The following RMDN3 variants were observed in gnomAD, a reference collection of about 807,000 sequenced individuals.
The protein encoded by RMDN3 is regulator of microtubule dynamics protein 3.
A neutral mutation model predicts 61.8 loss-of-function variants in RMDN3; 41 were observed. The observed-to-expected ratio is 0.66, with a 90% CI of 0.52 to 0.86. RMDN3 has a LOEUF of 0.86. Among genes scored for constraint, RMDN3 ranks in the 40% least tolerant of loss-of-function variants. The pLI, the probability that RMDN3 is intolerant of heterozygous loss-of-function variation, is 0.00. For missense variants in RMDN3, 557 were observed against 585.3 expected, an observed-to-expected ratio of 0.95 and a Z score of 0.50; for synonymous variants, 247 against 232.0, an observed-to-expected ratio of 1.06 and a Z score of -0.59.
At chr15:40,754,242 T>G (rs1897944806) in intron 2 of RMDN3, among the ~76,000 whole-genome samples, 1 of 151,428 alleles carries the variant, frequency 6.6e-6, no homozygotes, top group African/African-American at 2.4e-5. Flanking sequence ...GCGATTCTCG[T>G]GCCTCAGCCT....
At chr15:40,749,670 T>A (rs556244196) in intron 4 of RMDN3, among the ~76,000 whole-genome samples, 1 of 152,240 alleles carries the variant, frequency 6.6e-6, no homozygotes, top group Non-Finnish European at 1.5e-5. Context: ...GTTGCAGAGA[T>A]GTTCTTTACA....
intron 4 of RMDN3, among the ~76,000 whole-genome samples, chr15:40,748,633 T>TCCCAGG (rs1396734417): frequency 6.6e-6 from 1 of 152,212 alleles, no homozygotes; most frequent in Non-Finnish European, 1.5e-5. Flanking sequence ...GGAGTCTTTC[T>TCCCAGG]CTGTCACCCA....
chr15:40,754,837 C>T, intron 1 of RMDN3, 47 bp from the exon 2 acceptor site: 1 of 488,260 alleles, frequency 2.0e-6, no homozygotes. Flanking sequence ...GGCGGGCGGG[C>T]GGGGGTAAGG....
chr15:40,740,315 A>G, intron 6 of RMDN3, 122 bp from the exon 7 acceptor site: 1 of 731,898 alleles, frequency 1.4e-6, no homozygotes, highest in South Asian at 1.5e-5. Flanking sequence ...ACTTGTTTGG[A>G]AATAGTTGTG....
intron 4 of RMDN3, among the ~76,000 whole-genome samples, chr15:40,745,863 CCA>C (rs1277901125): frequency 6.6e-6 from 1 of 152,098 alleles, no homozygotes; most frequent in Middle Eastern, 3.2e-3. Flanking sequence ...CCATGGGCAG[CCA>C]CACACACATC....
At chr15:40,753,491 C>A (rs772116832) in intron 2 of RMDN3, among the ~76,000 whole-genome samples, 13 of 151,310 alleles carry the variant, frequency 8.6e-5, no homozygotes, top group Non-Finnish European at 7.4e-5. Flanking sequence ...CCAGCCTGGG[C>A]AACAGAGCGA....
rs117445197 is a variant in RMDN3, at chr15:40,736,144, T to C, written c.*397A>G. ...TAAGGTATGATCTTAAGACTATATGTACTGAGTCCTATTAGTCAGTGAAAA... is the reference window on the plus strand; with the variant it reads ...TAAGGTATGATCTTAAGACTATATGCACTGAGTCCTATTAGTCAGTGAAAA... On this transcript the variant is annotated 3_prime_UTR_variant, in exon 13 of 13. Coordinates refer to ENST00000338376, the MANE Select transcript of RMDN3 (RefSeq NM_018145.3). 285 of 182,940 alleles carry C rather than the reference T, an allele frequency of 1.6e-3. 2 individuals are homozygous for C. The East Asian group carries it at 0.027, about 17-fold the overall frequency. The allele number at this position is 182,940 out of a possible 1,614,324, so 11.3% of individuals were successfully genotyped here.
chr15:40,736,381 T>TTAGAATA lies in RMDN3; in HGVS notation c.*153_*159dup. On this transcript the variant is annotated 3_prime_UTR_variant, in exon 13 of 13. Coordinates refer to ENST00000338376, the MANE Select transcript of RMDN3 (RefSeq NM_018145.3). Reference sequence around the variant, plus strand: ...CCCCAATTCTAGATTAGGTTAGAGGTTAGAATAAATTAACTAATGGGGAGT... The same window carrying TTAGAATA: ...CCCCAATTCTAGATTAGGTTAGAGGTTAGAATATAGAATAAATTAACTAATGGGGAGT... 1.6e-6 allele frequency: 1 copy of TTAGAATA among 635,468 alleles called. No homozygotes were observed. Among genetic ancestry groups the TTAGAATA allele is most frequent in the Non-Finnish European group, 2.8e-6 (1 of 357,620 alleles). 39.4% of individuals were successfully genotyped at this position (635,468 alleles called of 1,614,324 possible). A position where few individuals can be genotyped will look rare whatever the true frequency, so the allele number is the denominator to read the frequency against.
intron 4 of RMDN3, among the ~76,000 whole-genome samples, chr15:40,749,194 C>T (rs768281763): frequency 3.9e-5 from 6 of 152,210 alleles, no homozygotes; most frequent in African/African-American, 7.2e-5. Flanking sequence ...TGAGCCACCG[C>T]GCCTGGCCTA....
rs747424280 is a variant in RMDN3, at chr15:40,737,282, G to A, written c.1278+6C>T. The A allele has an allele frequency of 6.2e-7, 1 of 1,613,684 alleles. No individual in the cohort carries two copies. Among genetic ancestry groups the A allele is most frequent in the Non-Finnish European group, 8.5e-7 (1 of 1,179,620 alleles). On this transcript the variant is annotated splice_donor_region_variant and intron_variant, in intron 11 of 12. Transcript: ENST00000338376. ...GATCTATGTTGAAGTAGACAAATGA[G>A]TTTACCTTGGAAATATATACCCTTC...
intron 10 of RMDN3, 141 bp downstream of exon 10, chr15:40,737,487 G>T (rs1022866178): frequency 3.6e-6 from 4 of 1,114,988 alleles, no homozygotes; most frequent in Middle Eastern, 2.2e-4. Context: ...CTGTGCAAGT[G>T]ATTCTGGTTT....
chr15:40,741,117 T>C (rs1418794435), intron 6 of RMDN3, among the ~76,000 whole-genome samples: 1 of 151,966 alleles, frequency 6.6e-6, no homozygotes, highest in Non-Finnish European at 1.5e-5. Context: ...AATCAGAAAT[T>C]GTCCCCAACA....
intron 4 of RMDN3, among the ~76,000 whole-genome samples, chr15:40,749,445 A>C (rs1897719134): frequency 6.6e-6 from 1 of 152,222 alleles, no homozygotes; most frequent in Non-Finnish European, 1.5e-5. Context: ...TGAGCCCAAG[A>C]GGTTGAGGCT....
chr15:40,744,885 G>A (rs1897448613), intron 5 of RMDN3, 92 bp downstream of exon 5: 1 of 1,357,568 alleles, frequency 7.4e-7, no homozygotes, highest in Non-Finnish European at 9.9e-7. Context: ...TGTAGGGGCA[G>A]TAACCACACG....
At chr15:40,742,330 T>C (rs1897316683) in intron 6 of RMDN3, among the ~76,000 whole-genome samples, 1 of 152,128 alleles carries the variant, frequency 6.6e-6, no homozygotes, top group Admixed American at 6.6e-5. Flanking sequence ...TTAAGACAAC[T>C]GATGCTGTGA....
At chr15:40,744,745 G>C (rs1261330789) in intron 5 of RMDN3, among the ~76,000 whole-genome samples, 1 of 152,140 alleles carries the variant, frequency 6.6e-6, no homozygotes, top group Non-Finnish European at 1.5e-5. Flanking sequence ...CCTCCCAAGA[G>C]GGGAGGCAGC....
intron 7 of RMDN3, 79 bp from the exon 8 acceptor site, chr15:40,738,655 G>C: frequency 7.1e-7 from 1 of 1,403,376 alleles, no homozygotes. Context: ...CCACAGCCTA[G>C]TTGCATTGTC....
intron 3 of RMDN3, 165 bp from the exon 4 acceptor site, chr15:40,751,734 C>G: frequency 9.5e-7 from 1 of 1,051,474 alleles, no homozygotes; most frequent in Non-Finnish European, 1.4e-6. Context: ...GCTTCCTGGG[C>G]CCAGCCCGCA....
chr15:40,742,825 T>G (rs1897335379), intron 6 of RMDN3, among the ~76,000 whole-genome samples: 1 of 152,204 alleles, frequency 6.6e-6, no homozygotes, highest in African/African-American at 2.4e-5. Flanking sequence ...GAAAGGTTGT[T>G]GACATGAAGA....
Sources: allele counts gnomAD v4.1 joint callset (sites outside exome capture counted in the v4.1 genomes callset), GRCh38; gene constraint gnomAD v4.1.1; transcripts MANE v1.5; gene names NCBI Gene and HGNC (gene_info 2026-07-23, HGNC 2026-07-21).